HRH1: variants seen among roughly 807,000 people sequenced by gnomAD.
The protein encoded by HRH1 is histamine H1 receptor.
A neutral mutation model predicts 10.3 loss-of-function variants in HRH1; 6 were observed. That is an observed-to-expected ratio of 0.58 (90% CI 0.32 to 1.15). HRH1 has a LOEUF of 1.15. Among genes scored for constraint, HRH1 ranks in the 50% most tolerant of loss-of-function variants. The pLI is 0.05. For missense variants in HRH1, 514 were observed against 615.3 expected, an observed-to-expected ratio of 0.84 and a Z score of 1.74; for synonymous variants, 242 against 236.7, an observed-to-expected ratio of 1.02 and a Z score of -0.21.
intron 1 of HRH1, among the ~76,000 whole-genome samples, chr3:11,192,294 C>T (rs963607401): frequency 6.6e-6 from 1 of 152,166 alleles, no homozygotes; most frequent in Non-Finnish European, 1.5e-5. Flanking sequence ...AGGGCAGCCA[C>T]TATCCTGATT....
chr3:11,144,426 T>TACATATAG (rs1422180828), intron 1 of HRH1, among the ~76,000 whole-genome samples: 2 of 149,958 alleles, frequency 1.3e-5, no homozygotes, highest in East Asian at 2.0e-4. Context: ...TAGGTATATA[T>TACATATAG]ACATATAGAC....
intron 1 of HRH1, among the ~76,000 whole-genome samples, chr3:11,142,531 T>G (rs993102013): frequency 6.6e-6 from 1 of 152,082 alleles, no homozygotes; most frequent in Non-Finnish European, 1.5e-5. Flanking sequence ...CAATCAGAGA[T>G]AGCAATGAGG....
intron 1 of HRH1, among the ~76,000 whole-genome samples, chr3:11,231,035 A>T (rs754970311): frequency 3.9e-5 from 6 of 152,166 alleles, no homozygotes; most frequent in Non-Finnish European, 5.9e-5. Context: ...CCCGGCAACC[A>T]CTAATCTGTT....
intron 1 of HRH1, among the ~76,000 whole-genome samples, chr3:11,236,862 T>C (rs1939194494): frequency 6.6e-6 from 1 of 152,228 alleles, no homozygotes; most frequent in South Asian, 2.1e-4. Flanking sequence ...GTCACTTGAC[T>C]GAAAGAGACA....
intron 1 of HRH1, among the ~76,000 whole-genome samples, chr3:11,229,289 G>A (rs776827506): frequency 3.9e-5 from 6 of 152,148 alleles, no homozygotes; most frequent in Non-Finnish European, 8.8e-5. Flanking sequence ...AATACTGTGT[G>A]TAGAGCCCCC....
chr3:11,245,378 G>A (rs1442106562), intron 1 of HRH1, among the ~76,000 whole-genome samples: 1 of 151,738 alleles, frequency 6.6e-6, no homozygotes, highest in Non-Finnish European at 1.5e-5. Flanking sequence ...GAAACCCTGA[G>A]TTAGATAGAC....
chr3:11,171,577 C>T (rs1350534885), intron 1 of HRH1, among the ~76,000 whole-genome samples: 1 of 152,168 alleles, frequency 6.6e-6, no homozygotes, highest in East Asian at 1.9e-4. Context: ...TAACAAGCTC[C>T]CCGCATTACA....
intron 1 of HRH1, among the ~76,000 whole-genome samples, chr3:11,179,990 T>C (rs1937321885): frequency 6.6e-6 from 1 of 152,102 alleles, no homozygotes; most frequent in South Asian, 2.1e-4. Flanking sequence ...CTCAAACTCC[T>C]GGGCTCAAGC....
Position 11,154,586 on chromosome 3 carries a change from G to C in HRH1, c.-36+32G>C, listed in dbSNP as rs1936735270. 1 of 151,464 alleles carries C rather than the reference G, an allele frequency of 6.6e-6. No homozygotes were observed. Among genetic ancestry groups the C allele is most frequent in the South Asian group, 2.1e-4 (1 of 4,846 alleles). The allele number at this position is 151,464 out of a possible 1,614,324, so 9.4% of individuals were successfully genotyped here. A position where few individuals can be genotyped will look rare whatever the true frequency, so the allele number is the denominator to read the frequency against. Reference sequence around the variant, plus strand: ...CGCAGCGGGGCGCGGGCTTGGGCGGGAGCGGGGCCGCCGCGGCTGGGCGAG... The same window carrying C: ...CGCAGCGGGGCGCGGGCTTGGGCGGCAGCGGGGCCGCCGCGGCTGGGCGAG... On this transcript the variant is annotated intron_variant, in intron 1 of 1. Coordinates refer to ENST00000431010, the MANE Select transcript of HRH1 (RefSeq NM_001098212.2). This position sits in a 1 kb window ranked among gnomAD's most constrained non-coding sequence, Gnocchi z 4.4.
At chr3:11,224,513 C>T (rs912891106) in intron 1 of HRH1, among the ~76,000 whole-genome samples, 3 of 152,048 alleles carry the variant, frequency 2.0e-5, no homozygotes, top group African/African-American at 7.2e-5. Flanking sequence ...CTGGCTAACA[C>T]GGTGAAACCC....
intron 1 of HRH1, among the ~76,000 whole-genome samples, chr3:11,222,676 G>C (rs1938745443): frequency 6.6e-6 from 1 of 152,044 alleles, no homozygotes; most frequent in Non-Finnish European, 1.5e-5. Flanking sequence ...CTGTGCGTCA[G>C]GGCCCACTTG....
intron 1 of HRH1, among the ~76,000 whole-genome samples, chr3:11,145,741 T>C (rs1379695477): frequency 9.1e-6 from 1 of 109,614 alleles, no homozygotes; most frequent in Non-Finnish European, 1.8e-5. Flanking sequence ...TCAGTAACAG[T>C]ACCCCTCCTT....
chr3:11,211,961 C>G (rs763308133), intron 1 of HRH1, among the ~76,000 whole-genome samples: 9 of 152,056 alleles, frequency 5.9e-5, no homozygotes, highest in Non-Finnish European at 1.3e-4. Flanking sequence ...AATCAGAGTT[C>G]CCAGAATCTG....
At chr3:11,150,411 C>T (rs1936577564), upstream of HRH1, among the ~76,000 whole-genome samples, 1 of 152,250 alleles carries the variant, frequency 6.6e-6, no homozygotes, top group African/African-American at 2.4e-5. Context: ...ATTTGGATTT[C>T]TCAGCACCCA....
intron 1 of HRH1, among the ~76,000 whole-genome samples, chr3:11,212,036 G>T (rs1330026972): frequency 6.6e-6 from 1 of 152,092 alleles, no homozygotes; most frequent in Non-Finnish European, 1.5e-5. Flanking sequence ...TGGGGGAGGG[G>T]GGCAGCCAAT....
chr3:11,187,480 A>G (rs1022815184), intron 1 of HRH1, among the ~76,000 whole-genome samples: 1 of 152,174 alleles, frequency 6.6e-6, no homozygotes, highest in African/African-American at 2.4e-5. Flanking sequence ...AGACCACTCA[A>G]CGTTACTGAG....
intron 1 of HRH1, among the ~76,000 whole-genome samples, chr3:11,253,710 TTA>T (rs1320600755): frequency 6.6e-6 from 1 of 152,170 alleles, no homozygotes. Context: ...GGGCTGGGAA[TTA>T]TGTTCAGCCG....
intron 1 of HRH1, among the ~76,000 whole-genome samples, chr3:11,199,402 C>T (rs545390736): frequency 6.6e-6 from 1 of 152,256 alleles, no homozygotes; most frequent in Non-Finnish European, 1.5e-5. Context: ...CATGCTGTTC[C>T]CTCTGCCTGC....
At chr3:11,182,841 G>A (rs1489599713) in intron 1 of HRH1, among the ~76,000 whole-genome samples, 1 of 152,148 alleles carries the variant, frequency 6.6e-6, no homozygotes, top group East Asian at 1.9e-4. Flanking sequence ...TCATGTTTAG[G>A]AAGTGACAGA....
Sources: gnomAD v4.1 joint callset for allele counts (sites outside exome capture counted in the v4.1 genomes callset) on GRCh38, gnomAD v4.1.1 for gene constraint, Gnocchi (gnomAD v3.1) non-coding constraint, MANE v1.5 for transcripts, NCBI Gene and HGNC (gene_info 2026-07-23, HGNC 2026-07-21) for gene names.